RAPGEF4: variants seen among roughly 807,000 people sequenced by gnomAD.
RAPGEF4 encodes RAP guanine-nucleotide-exchange factor (GEF) 4.
A neutral mutation model predicts 147.9 loss-of-function variants in RAPGEF4; 66 were observed. That is an observed-to-expected ratio of 0.45 (90% CI 0.37 to 0.55). The LOEUF is 0.55. Ranked by LOEUF, RAPGEF4 falls within the 20% of genes least tolerant of loss-of-function variation. The pLI is 0.00. For synonymous variants in RAPGEF4, 419 were observed against 442.7 expected, an observed-to-expected ratio of 0.95 and a Z score of 0.67; for missense variants, 1,071 against 1,257.3, an observed-to-expected ratio of 0.85 and a Z score of 2.24.
rs748105730 is a variant in RAPGEF4, at chr2:172,996,524, C to A, written c.1549C>A (p.Arg517Ser). ...KILEHFLETI[R>S]LEATLNEATD... Reference sequence around the variant, plus strand: ...TTTAGAGCATTTTCTAGAAACAATACGCCTTGAGGCAACTTTAAATGAAGC... The same window carrying A: ...TTTAGAGCATTTTCTAGAAACAATAAGCCTTGAGGCAACTTTAAATGAAGC... Residue 517 changes from arginine to serine, a missense_variant, in exon 16 of 31, where the codon CGC becomes AGC. Physicochemically the swap from Arg to Ser is moderately radical, Grantham distance 110 (BLOSUM62 -1). Coordinates refer to ENST00000397081, the MANE Select transcript of RAPGEF4 (RefSeq NM_007023.4). 11 of 1,584,512 alleles carry A rather than the reference C, an allele frequency of 6.9e-6. No individual in the cohort carries two copies. The highest frequency in any genetic ancestry group is 5.1e-6 in the Non-Finnish European group (6 of 1,169,766).
intron 4 of RAPGEF4, among the ~76,000 whole-genome samples, chr2:172,871,914 C>T (rs1312907011): frequency 6.6e-6 from 1 of 152,078 alleles, no homozygotes; most frequent in Non-Finnish European, 1.5e-5. Flanking sequence ...AGAAGTTAAC[C>T]AACTTGCTTG....
chr2:172,875,238 G>A (rs1695760432), intron 4 of RAPGEF4, among the ~76,000 whole-genome samples: 1 of 152,156 alleles, frequency 6.6e-6, no homozygotes, highest in South Asian at 2.1e-4. Flanking sequence ...CTGTGCAGAA[G>A]CTCTTTAGTT....
chr2:173,013,913 C>G (rs985277673), intron 17 of RAPGEF4, among the ~76,000 whole-genome samples: 5 of 152,174 alleles, frequency 3.3e-5, no homozygotes, highest in African/African-American at 9.7e-5. Flanking sequence ...AGCCTTTCCT[C>G]TTCCTACCTC....
intron 1 of RAPGEF4, chr2:172,736,349 T>A (rs991495387): frequency 3.6e-5 from 9 of 247,418 alleles, no homozygotes; most frequent in African/African-American, 9.0e-5. Flanking sequence ...CGCTCCTGGG[T>A]GGGGGTTTAT....
At chr2:172,978,308 C>G (rs946934083) in intron 10 of RAPGEF4, among the ~76,000 whole-genome samples, 2 of 152,204 alleles carry the variant, frequency 1.3e-5, no homozygotes, top group Non-Finnish European at 2.9e-5. Flanking sequence ...CAGGCTCACA[C>G]CATCCCCTTT....
At chr2:172,968,649 C>T (rs1028377456) in intron 10 of RAPGEF4, among the ~76,000 whole-genome samples, 1 of 152,164 alleles carries the variant, frequency 6.6e-6, no homozygotes, top group African/African-American at 2.4e-5. Flanking sequence ...AGCCTCAAAA[C>T]CCTTTCTTCA....
chr2:172,871,612 C>A (rs1695242836), intron 4 of RAPGEF4, among the ~76,000 whole-genome samples: 1 of 148,082 alleles, frequency 6.8e-6, no homozygotes. Flanking sequence ...CTATTTTGAC[C>A]CAAAAAAGCA....
rs991788011 is a variant in RAPGEF4 at position 173,024,375 on chromosome 2, G to A, written c.2254-2197G>A. On this transcript the variant is annotated intron_variant, in intron 23 of 30. Coordinates refer to ENST00000397081, the MANE Select transcript of RAPGEF4 (RefSeq NM_007023.4). ...TGGGACTACAGGCGCCCGCCACTAC[G>A]CCCGGCTAATTTTTTGTATTTTTAG... 1.8e-4 allele frequency among the ~76,000 whole-genome samples: 27 copies of A among 149,304 alleles called. 2 individuals carry two copies. Among genetic ancestry groups the A allele is most frequent in the South Asian group, 2.2e-4 (1 of 4,510 alleles).
At chr2:172,872,394 G>T (rs554393378) in intron 4 of RAPGEF4, among the ~76,000 whole-genome samples, 1 of 152,110 alleles carries the variant, frequency 6.6e-6, no homozygotes, top group Admixed American at 6.6e-5. Context: ...ATCCAACTGG[G>T]TAGTCTGCTA....
intron 4 of RAPGEF4, among the ~76,000 whole-genome samples, chr2:172,904,087 T>C (rs534613937): frequency 3.7e-4 from 56 of 152,352 alleles, no homozygotes; most frequent in African/African-American, 1.3e-3. Flanking sequence ...GATCAGTGCA[T>C]CCTAATTCTG....
intron 4 of RAPGEF4, among the ~76,000 whole-genome samples, chr2:172,910,044 G>A (rs147249187): frequency 1.3e-5 from 2 of 152,290 alleles, no homozygotes; most frequent in East Asian, 3.9e-4. Context: ...TCTGTGATTT[G>A]GCTGCAGACC....
chr2:172,985,452 G>C lies in RAPGEF4; in HGVS notation c.1109G>C (p.Gly370Ala), dbSNP rs964935296. Residue 370 changes from glycine to alanine, a missense_variant, in exon 12 of 31, where the codon GGT becomes GCT. Transcript: ENST00000397081. ...TTCTAGGTGAAACGAGAGTTAGCAG[G>C]TGTTCTCATTTTTGAGTCTCACGCC... is the stretch of plus-strand genomic sequence containing the variant. Reference protein sequence around the residue: ...LSTTVKRELAGVLIFESHAKG... With the variant: ...LSTTVKRELAAVLIFESHAKG... 1 of 1,613,900 alleles carries C rather than the reference G, an allele frequency of 6.2e-7. No individual in the cohort carries two copies. The highest frequency in any genetic ancestry group is 8.5e-7 in the Non-Finnish European group (1 of 1,179,974).
At chr2:172,754,744 T>C (rs1033938165) in intron 1 of RAPGEF4, among the ~76,000 whole-genome samples, 2 of 152,038 alleles carry the variant, frequency 1.3e-5, no homozygotes, top group African/African-American at 4.8e-5. Context: ...AGTTAAAGCT[T>C]TTTAAAAAAA....
intron 4 of RAPGEF4, among the ~76,000 whole-genome samples, chr2:172,857,498 A>T (rs1425713186): frequency 2.0e-5 from 3 of 152,228 alleles, no homozygotes; most frequent in East Asian, 1.9e-4. Context: ...GCATTCAAGG[A>T]TCATGAGCTC....
At chr2:172,890,339 C>T (rs547205388) in intron 4 of RAPGEF4, among the ~76,000 whole-genome samples, 1 of 152,272 alleles carries the variant, frequency 6.6e-6, no homozygotes, top group South Asian at 2.1e-4. Flanking sequence ...TTTGTTGCCT[C>T]CTCTGCCCTT....
intron 1 of RAPGEF4, among the ~76,000 whole-genome samples, chr2:172,767,358 T>C (rs903472948): frequency 3.4e-4 from 51 of 152,084 alleles, no homozygotes; most frequent in Non-Finnish European, 8.8e-5. Flanking sequence ...TTTGTATTTT[T>C]AGTATAGACA....
intron 4 of RAPGEF4, among the ~76,000 whole-genome samples, chr2:172,841,107 A>G (rs1294606959): frequency 6.6e-6 from 1 of 152,214 alleles, no homozygotes; most frequent in African/African-American, 2.4e-5. Context: ...TGGGCTCCAC[A>G]AAGTCTCATG....
At chr2:173,018,554 A>G in intron 21 of RAPGEF4, 102 bp from the exon 22 acceptor site, 1 of 1,337,944 alleles carries the variant, frequency 7.5e-7, no homozygotes, top group Non-Finnish European at 1.0e-6. Context: ...AAAAATGGCA[A>G]AATGATGCAA....
At chr2:172,953,981 G>C (rs935122895) in intron 6 of RAPGEF4, among the ~76,000 whole-genome samples, 2 of 152,174 alleles carry the variant, frequency 1.3e-5, no homozygotes, top group Non-Finnish European at 2.9e-5. Flanking sequence ...CTTTTCCCTA[G>C]AGAGTCTGCC....
Sources: allele counts gnomAD v4.1 joint callset (sites outside exome capture counted in the v4.1 genomes callset), GRCh38; gene constraint gnomAD v4.1.1; transcripts MANE v1.5; gene names NCBI Gene and HGNC (gene_info 2026-07-23, HGNC 2026-07-21).